The following ST6GALNAC3 variants were observed in gnomAD, a reference collection of about 807,000 sequenced individuals.
ST6GALNAC3 encodes ST6 N-acetylgalactosaminide alpha-2,6-sialyltransferase 3, also known as alpha-N-acetylgalactosaminide alpha-2,6-sialyltransferase 3.
In ST6GALNAC3, 25 loss-of-function variants were observed where a neutral mutation model predicts 32.7. The observed-to-expected ratio is 0.76, with a 90% confidence interval of 0.56 to 1.07. The LOEUF (loss-of-function observed/expected upper bound fraction) is 1.07. Ranked by LOEUF, ST6GALNAC3 falls within the 50% of genes least tolerant of loss-of-function variation. ST6GALNAC3 has a pLI of 0.00. For synonymous variants in ST6GALNAC3, 129 were observed against 133.1 expected (o/e 0.97, Z 0.21); for missense variants, 355 against 382.4 (o/e 0.93, Z 0.60).
At position 76,209,015 on chromosome 1, in the gene ST6GALNAC3, C is replaced by T. The variant is rs150383344; in HGVS notation, c.19-104790C>T. Among the ~76,000 whole-genome samples the T allele has an allele frequency of 4.4e-3, 665 of 152,252 alleles. 4 individuals carry two copies. The highest frequency in any genetic ancestry group is 0.015 in the African/African-American group (623 of 41,554). ...TGATAAATTTATCTTTTGTAGTTCTCCTGTCAAAGCTTTTGTGTCTAGTGG... is the reference window on the plus strand; with the variant it reads ...TGATAAATTTATCTTTTGTAGTTCTTCTGTCAAAGCTTTTGTGTCTAGTGG... On this transcript the variant is annotated intron_variant, in intron 1 of 4. Coordinates refer to ENST00000328299, the MANE Select transcript of ST6GALNAC3 (RefSeq NM_152996.4).
intron 1 of ST6GALNAC3, among the ~76,000 whole-genome samples, chr1:76,121,672 C>T (rs1039743725): frequency 1.3e-5 from 2 of 152,000 alleles, no homozygotes; most frequent in African/African-American, 4.8e-5. Flanking sequence ...GCCGAGATTG[C>T]GCCACTGTAC....
At chr1:76,125,944 C>T (rs188906756) in intron 1 of ST6GALNAC3, among the ~76,000 whole-genome samples, 44 of 152,286 alleles carry the variant, frequency 2.9e-4, no homozygotes, top group Non-Finnish European at 4.6e-4. Context: ...GCCAATTGAG[C>T]GGGCCCTGCA....
At chr1:76,204,342 TA>T (rs1654703344) in intron 1 of ST6GALNAC3, among the ~76,000 whole-genome samples, 1 of 152,212 alleles carries the variant, frequency 6.6e-6, no homozygotes, top group Non-Finnish European at 1.5e-5. Flanking sequence ...ATTGTTGCCA[TA>T]AATATGGGGG....
chr1:76,313,927 G>T lies in ST6GALNAC3; in HGVS notation c.141G>T (p.Trp47Cys). The change falls in exon 2 of 5, where the codon TGG becomes TGT. Residue 47 changes from tryptophan to cysteine, a missense_variant. Transcript: ENST00000328299. ...LNCFGQPGTK[W>C]IPFSYTYRRP... is the part of the protein sequence containing the mutation. ...GCTTTGGACAACCTGGTACAAAGTG[G>T]ATACCATTCTCCTACACATACAGGC... is the stretch of plus-strand genomic sequence containing the variant. 1 of 1,613,568 alleles carries T rather than the reference G, an allele frequency of 6.2e-7. No individual in the cohort carries two copies. The highest frequency in any genetic ancestry group is 8.5e-7 in the Non-Finnish European group (1 of 1,179,692).
intron 3 of ST6GALNAC3, among the ~76,000 whole-genome samples, chr1:76,486,792 C>T (rs1234573733): frequency 7.2e-5 from 11 of 152,172 alleles, no homozygotes; most frequent in African/African-American, 2.6e-4. Context: ...TTATTTTGCT[C>T]GTTAGTTGAT....
chr1:76,527,597 T>C (rs1388484556), intron 3 of ST6GALNAC3, among the ~76,000 whole-genome samples: 1 of 152,116 alleles, frequency 6.6e-6, no homozygotes, highest in Non-Finnish European at 1.5e-5. Flanking sequence ...CTGTGTCCCA[T>C]GCTAATAGGC....
chr1:76,456,102 G>A (rs1248159900), intron 3 of ST6GALNAC3, among the ~76,000 whole-genome samples: 1 of 152,126 alleles, frequency 6.6e-6, no homozygotes, highest in Non-Finnish European at 1.5e-5. Flanking sequence ...AACCCACGAG[G>A]TTGTGGTTGC....
chr1:76,628,314 A>G (rs1649103398), intron 4 of ST6GALNAC3, among the ~76,000 whole-genome samples: 1 of 151,970 alleles, frequency 6.6e-6, no homozygotes, highest in African/African-American at 2.4e-5. Flanking sequence ...AGTTTCTTCA[A>G]GTTCTGCAAG....
intron 3 of ST6GALNAC3, among the ~76,000 whole-genome samples, chr1:76,463,894 A>G (rs566641259): frequency 1.3e-5 from 2 of 152,170 alleles, no homozygotes; most frequent in East Asian, 3.9e-4. Context: ...AGGAGAATGG[A>G]GAGGTTAGCA....
At chr1:76,273,910 A>G (rs549732559) in intron 1 of ST6GALNAC3, among the ~76,000 whole-genome samples, 3 of 152,302 alleles carry the variant, frequency 2.0e-5, no homozygotes, top group African/African-American at 4.8e-5. Flanking sequence ...ATGGGAGTCT[A>G]TTGTTAAAAA....
At chr1:76,345,042 G>A (rs771171644) in intron 2 of ST6GALNAC3, among the ~76,000 whole-genome samples, 1 of 152,066 alleles carries the variant, frequency 6.6e-6, no homozygotes, top group Non-Finnish European at 1.5e-5. Context: ...GGCTTACAAG[G>A]GACATCTGAT....
chr1:76,088,976 G>GTAGA (rs1647002496), intron 1 of ST6GALNAC3, among the ~76,000 whole-genome samples: 1 of 152,154 alleles, frequency 6.6e-6, no homozygotes, highest in Non-Finnish European at 1.5e-5. Context: ...TAAGGATCAT[G>GTAGA]TAGATTCTGT....
chr1:76,103,487 A>G (rs1647322746), intron 1 of ST6GALNAC3, among the ~76,000 whole-genome samples: 1 of 152,056 alleles, frequency 6.6e-6, no homozygotes, highest in Non-Finnish European at 1.5e-5. Flanking sequence ...TATTAATTTT[A>G]GTTAATGTAT....
At chr1:76,548,447 A>T (rs1664426464) in intron 3 of ST6GALNAC3, among the ~76,000 whole-genome samples, 1 of 152,088 alleles carries the variant, frequency 6.6e-6, no homozygotes, top group South Asian at 2.1e-4. Flanking sequence ...GCTTCATCTC[A>T]TACCATTGGC....
chr1:76,367,968 A>G (rs1305674198), intron 2 of ST6GALNAC3, among the ~76,000 whole-genome samples: 1 of 152,166 alleles, frequency 6.6e-6, no homozygotes, highest in African/African-American at 2.4e-5. Context: ...TGCACAGCAA[A>G]GCGAACCTGT....
intron 2 of ST6GALNAC3, among the ~76,000 whole-genome samples, chr1:76,389,829 A>G (rs1475242110): frequency 6.6e-6 from 1 of 152,264 alleles, no homozygotes; most frequent in African/African-American, 2.4e-5. Context: ...TTGAGAAAAT[A>G]ACACAAAATA....
chr1:76,112,004 A>G (rs1053073819), intron 1 of ST6GALNAC3, among the ~76,000 whole-genome samples: 27 of 150,614 alleles, frequency 1.8e-4, no homozygotes, highest in African/African-American at 6.6e-4. Flanking sequence ...CTCACTTCCC[A>G]GTAGGGGCGG....
intron 1 of ST6GALNAC3, among the ~76,000 whole-genome samples, chr1:76,253,926 A>G (rs889637399): frequency 1.3e-5 from 2 of 152,140 alleles, no homozygotes; most frequent in African/African-American, 4.8e-5. Flanking sequence ...GGATCATTCA[A>G]AGGATTCTCA....
chr1:76,384,867 C>T (rs1002130978), intron 2 of ST6GALNAC3, among the ~76,000 whole-genome samples: 9 of 151,872 alleles, frequency 5.9e-5, no homozygotes, highest in Admixed American at 2.0e-4. Context: ...TGCTCATTAA[C>T]AGTGGAATGA....
Sources: allele counts gnomAD v4.1 joint callset (sites outside exome capture counted in the v4.1 genomes callset), GRCh38; gene constraint gnomAD v4.1.1; transcripts MANE v1.5; gene names NCBI Gene and HGNC (gene_info 2026-07-23, HGNC 2026-07-21).